The following CBR4 variants were observed in gnomAD, a reference collection of about 807,000 sequenced individuals.
The protein encoded by CBR4 is 3-oxoacyl-[acyl-carrier-protein] reductase.
CBR4 carries 22 observed loss-of-function variants against 21.0 expected under a neutral mutation model. That is an observed-to-expected ratio of 1.05 (90% CI 0.75 to 1.50). The LOEUF is 1.50. Ranked by LOEUF, CBR4 falls within the 40% of genes most tolerant of loss-of-function variation. The probability of loss-of-function intolerance (pLI) is 0.00; values close to 1 mark genes in which losing one functional copy is unlikely to be tolerated. For missense variants in CBR4, 302 were observed against 286.3 expected, an observed-to-expected ratio of 1.05 and a Z score of -0.40; for synonymous variants, 100 against 104.4, an observed-to-expected ratio of 0.96 and a Z score of 0.26.
chr4:169,007,026 TC>T, intron 2 of CBR4, 135 bp from the exon 3 acceptor site: 2 of 650,706 alleles, frequency 3.1e-6, no homozygotes, highest in Non-Finnish European at 5.3e-6. Flanking sequence ...ATACCTAGAG[TC>T]CCATTTTGAA....
chr4:168,963,760 C>T (rs1345557275), intron 2 of CBR4, among the ~76,000 whole-genome samples: 1 of 152,080 alleles, frequency 6.6e-6, no homozygotes, highest in Admixed American at 6.6e-5. Flanking sequence ...CCACCGCGCC[C>T]AACCTCCTGT....
intron 2 of CBR4, among the ~76,000 whole-genome samples, chr4:168,960,003 ATTTAGATC>A (rs1763800961): frequency 6.6e-6 from 1 of 152,064 alleles, no homozygotes; most frequent in East Asian, 1.9e-4. Context: ...AAATTTGTCT[ATTTAGATC>A]TTTAATTTCT....
Position 168,976,122 on chromosome 4 carries a change from C to T in CBR4, n.169+25949G>A, listed in dbSNP as rs374136482. 9.8e-5 allele frequency among the ~76,000 whole-genome samples: 15 copies of T among 152,298 alleles called. No homozygotes were observed. In the East Asian group the frequency reaches 1.5e-3, roughly 16 times the overall value. On this transcript the variant is annotated intron_variant and non_coding_transcript_variant, in intron 2 of 3. Transcript: ENST00000509108. ...ATGCACTTCCCATTTGCCCCTCACC[C>T]CAGATGCTACTCAGGGAAGTTCACG...
chr4:168,913,328 G>A (rs1313467192), intron 2 of CBR4, among the ~76,000 whole-genome samples: 6 of 151,830 alleles, frequency 4.0e-5, no homozygotes, highest in South Asian at 2.1e-4. Context: ...TAGTAGAGAC[G>A]GGGTTTCACC....
At chr4:168,936,199 T>G (rs1161861961) in intron 2 of CBR4, among the ~76,000 whole-genome samples, 1 of 152,090 alleles carries the variant, frequency 6.6e-6, no homozygotes, top group African/African-American at 2.4e-5. Flanking sequence ...CCCTGACTGT[T>G]AGAAGGAAAA....
At chr4:168,956,213 G>A (rs899309667) in intron 2 of CBR4, among the ~76,000 whole-genome samples, 1 of 152,102 alleles carries the variant, frequency 6.6e-6, no homozygotes, top group African/African-American at 2.4e-5. Flanking sequence ...TCAGCAAAGT[G>A]GAAAAGACTG....
chr4:168,916,441 GA>G (rs973254801), intron 2 of CBR4, among the ~76,000 whole-genome samples: 25 of 151,702 alleles, frequency 1.6e-4, no homozygotes, highest in African/African-American at 5.6e-4. Context: ...TTAAGGGGGG[GA>G]AAAAGTGAAA....
At chr4:168,961,070 G>A (rs1461656593) in intron 2 of CBR4, among the ~76,000 whole-genome samples, 1 of 152,212 alleles carries the variant, frequency 6.6e-6, no homozygotes, top group Non-Finnish European at 1.5e-5. Context: ...GTGGTTATGG[G>A]TACTAGGTAA....
chr4:168,987,560 G>A, downstream of CBR4: 1 of 741,622 alleles, frequency 1.3e-6, no homozygotes, highest in Non-Finnish European at 1.6e-6. Flanking sequence ...TCTTATAGTT[G>A]CAGAGAAAGA....
chr4:168,902,098 T>G (rs1756647446), intron 2 of CBR4, among the ~76,000 whole-genome samples: 1 of 152,220 alleles, frequency 6.6e-6, no homozygotes, highest in African/African-American at 2.4e-5. Context: ...TTTCTGGTCT[T>G]TTCCTTTCTT....
At chr4:168,975,208 C>T (rs1730351963) in intron 2 of CBR4, among the ~76,000 whole-genome samples, 1 of 152,162 alleles carries the variant, frequency 6.6e-6, no homozygotes, top group Non-Finnish European at 1.5e-5. Context: ...GGCTACCAGA[C>T]TCCAGGCTGG....
rs138522407 is a variant in CBR4 at position 168,917,708 on chromosome 4, GAATA to G, written n.170-22947_170-22944del. On this transcript the variant is annotated intron_variant and non_coding_transcript_variant, in intron 2 of 3. Coordinates refer to the CBR4 transcript ENST00000509108. ...CTGGGATTATAGAAATGTATAAAAAGAATAAATATAACAAAAATATTTTATTTCT... is the reference window on the plus strand; with the variant it reads ...CTGGGATTATAGAAATGTATAAAAAGAATATAACAAAAATATTTTATTTCT... Among the ~76,000 whole-genome samples, 1,322 of 151,952 alleles carry G rather than the reference GAATA, an allele frequency of 8.7e-3. 15 individuals carry two copies. Among genetic ancestry groups the G allele is most frequent in the African/African-American group, 0.03 (1,242 of 41,448 alleles).
Position 168,898,772 on chromosome 4 carries a change from C to T in CBR4, n.170-4007G>A, listed in dbSNP as rs572098100. 26 of 1,037,186 alleles carry T rather than the reference C, an allele frequency of 2.5e-5. No individual in the cohort carries two copies. In the South Asian group the frequency reaches 3.3e-4, roughly 13 times the overall value. 64.2% of individuals were successfully genotyped at this position (1,037,186 alleles called of 1,614,324 possible). On this transcript the variant is annotated intron_variant and non_coding_transcript_variant, in intron 2 of 3. Transcript: ENST00000509108. The stretch of plus-strand genomic sequence containing the variant: ...ATTCTCTGAGGAAAGGTTTAGCTTC[C>T]AAAACATAGCATGCCAGTAGGAGAA...
At chr4:168,901,977 G>A (rs1455637559) in intron 2 of CBR4, among the ~76,000 whole-genome samples, 1 of 152,204 alleles carries the variant, frequency 6.6e-6, no homozygotes, top group Non-Finnish European at 1.5e-5. Context: ...AGATTCTAGA[G>A]TTTAATACGT....
At position 168,989,917 on chromosome 4, in the gene CBR4, T is replaced by C. The variant is rs1200498597; in HGVS notation, c.*233A>G. ...GATTATATGGTATGTGAATTGTATC[T>C]CATGAAGGCTTTTTAAACAAAACAA... On this transcript the variant is annotated 3_prime_UTR_variant, in exon 5 of 5. Coordinates refer to ENST00000306193, the MANE Select transcript of CBR4 (RefSeq NM_032783.5). 8.6e-7 allele frequency: 1 copy of C among 1,168,284 alleles called. No homozygotes were observed. Among genetic ancestry groups the C allele is most frequent in the Non-Finnish European group, 1.1e-6 (1 of 945,598 alleles). 72.4% of individuals were successfully genotyped at this position (1,168,284 alleles called of 1,614,324 possible). A position where few individuals can be genotyped will look rare whatever the true frequency, so the allele number is the denominator to read the frequency against.
chr4:168,910,220 CTT>C (rs70961563), intron 2 of CBR4, among the ~76,000 whole-genome samples: 53,173 of 113,780 alleles, frequency 0.47, 12,546 homozygotes, highest in East Asian at 0.81. Context: ...AACCTGTTTA[CTT>C]TTTTTTTTTT....
At chr4:168,920,999 G>T (rs1333997210) in intron 2 of CBR4, among the ~76,000 whole-genome samples, 1 of 152,100 alleles carries the variant, frequency 6.6e-6, no homozygotes, top group East Asian at 1.9e-4. Flanking sequence ...TCCCATCTCG[G>T]TCTTCTCTAG....
At chr4:168,950,521 C>G (rs982482401) in intron 2 of CBR4, among the ~76,000 whole-genome samples, 1 of 152,112 alleles carries the variant, frequency 6.6e-6, no homozygotes, top group Non-Finnish European at 1.5e-5. Context: ...ATCATATGGT[C>G]TATCTTGGAG....
At position 169,002,092 on chromosome 4, in the gene CBR4, T is replaced by C. The variant is rs919303001; in HGVS notation, c.514A>G (p.Arg172Gly). Residue 172 changes from arginine to glycine, a missense_variant, in exon 4 of 5, where the codon AGA becomes GGA. Coordinates refer to ENST00000306193, the MANE Select transcript of CBR4 (RefSeq NM_032783.5). ...TAACCTGGTGCAACTACATTCACTC[T>C]AATTTTCTTTCTTGCTACCTCTTTA... ...LAKEVARKKI[R>G]VNVVAPGFVH... 2.5e-5 allele frequency: 40 copies of C among 1,592,392 alleles called. No homozygotes were observed. Among genetic ancestry groups the C allele is most frequent in the Middle Eastern group, 1.8e-4 (1 of 5,572 alleles).
Sources: allele counts gnomAD v4.1 joint callset (sites outside exome capture counted in the v4.1 genomes callset), GRCh38; gene constraint gnomAD v4.1.1; transcripts MANE v1.5; gene names NCBI Gene and HGNC (gene_info 2026-07-23, HGNC 2026-07-21).